Variants in CNTN6 observed in about 807,000 individuals in gnomAD.
CNTN6 encodes contactin 6.
CNTN6 carries 137 observed loss-of-function variants against 122.8 expected under a neutral mutation model. The observed-to-expected ratio is 1.12, with a 90% CI of 0.97 to 1.29. CNTN6 has a LOEUF of 1.29. CNTN6 is among the 50% of genes most tolerant of loss of function. The pLI is 0.00. For synonymous variants in CNTN6, 570 were observed against 426.0 expected (o/e 1.34, Z -4.16); for missense variants, 1,634 against 1,223.4 (o/e 1.34, Z -5.01).
At chr3:1,099,570 T>C (rs1221929587) in intron 1 of CNTN6, among the ~76,000 whole-genome samples, 2 of 152,234 alleles carry the variant, frequency 1.3e-5, no homozygotes, top group Non-Finnish European at 1.5e-5. Flanking sequence ...ATTGAAAATA[T>C]TCACTATTGC....
intron 4 of CNTN6, among the ~76,000 whole-genome samples, chr3:1,260,506 A>G (rs1017834735): frequency 2.0e-5 from 3 of 152,076 alleles, no homozygotes; most frequent in Non-Finnish European, 2.9e-5. Flanking sequence ...CAGTAACCAC[A>G]TCACCCTTCT....
chr3:1,268,759 C>T (rs1189143002), intron 4 of CNTN6, among the ~76,000 whole-genome samples: 2 of 151,936 alleles, frequency 1.3e-5, no homozygotes, highest in Non-Finnish European at 2.9e-5. Flanking sequence ...CTGACTCAGT[C>T]TTCAAGAAAA....
intron 2 of CNTN6, among the ~76,000 whole-genome samples, chr3:1,184,258 C>T (rs1202447942): frequency 6.6e-6 from 1 of 152,118 alleles, no homozygotes. Context: ...CTAGGATCTT[C>T]CCAGCACACT....
chr3:1,281,440 GAGAT>G (rs983281893), intron 5 of CNTN6, among the ~76,000 whole-genome samples: 5 of 150,668 alleles, frequency 3.3e-5, no homozygotes, highest in African/African-American at 1.2e-4. Flanking sequence ...AGACTCCACA[GAGAT>G]AGAAGGCCAT....
rs193030368 is a variant in CNTN6, at chr3:1,166,019, A to G, written c.55+17956A>G. Among the ~76,000 whole-genome samples, 112 of 152,254 alleles carry G rather than the reference A, an allele frequency of 7.4e-4. No individual in the cohort carries two copies. The Middle Eastern group carries it at 0.014, about 18-fold the overall frequency. ...AAGTCTCCCTCTCTTGAATTCCTAC[A>G]TCTCTGAGAAGATGCATGAGGAAAG... On this transcript the variant is annotated intron_variant, in intron 2 of 22. Transcript: ENST00000446702.
At chr3:1,113,991 T>C (rs2091600756) in intron 1 of CNTN6, among the ~76,000 whole-genome samples, 1 of 152,152 alleles carries the variant, frequency 6.6e-6, no homozygotes, top group South Asian at 2.1e-4. Context: ...AGTAGAGATT[T>C]TCGTGCACAG....
chr3:1,183,841 C>G (rs2093593027), intron 2 of CNTN6, among the ~76,000 whole-genome samples: 1 of 152,164 alleles, frequency 6.6e-6, no homozygotes, highest in Non-Finnish European at 1.5e-5. Context: ...CATCCGAAAG[C>G]TACAACCAAG....
intron 12 of CNTN6, among the ~76,000 whole-genome samples, chr3:1,362,917 A>G (rs183627404): frequency 8.2e-4 from 124 of 152,030 alleles, no homozygotes; most frequent in African/African-American, 2.9e-3. Context: ...AGTCAAAAAA[A>G]CAAGACTAGC....
At chr3:1,299,178 G>A (rs1457627043) in intron 7 of CNTN6, among the ~76,000 whole-genome samples, 1 of 152,084 alleles carries the variant, frequency 6.6e-6, no homozygotes. Flanking sequence ...ATTATTGATT[G>A]ATTAAATGAT....
chr3:1,145,741 G>A (rs76532708), intron 1 of CNTN6, among the ~76,000 whole-genome samples: 1,857 of 152,198 alleles, frequency 0.012, 48 homozygotes, highest in African/African-American at 0.041. Flanking sequence ...CATAATGCAC[G>A]TGCACAGGAA....
intron 5 of CNTN6, among the ~76,000 whole-genome samples, chr3:1,294,936 G>C (rs1356263498): frequency 6.6e-6 from 1 of 152,110 alleles, no homozygotes; most frequent in African/African-American, 2.4e-5. Context: ...ACCTAAAACT[G>C]TCACAGAATA....
intron 2 of CNTN6, among the ~76,000 whole-genome samples, chr3:1,148,456 T>C (rs947007240): frequency 7.0e-6 from 1 of 143,852 alleles, no homozygotes; most frequent in Non-Finnish European, 1.5e-5. Context: ...AAAATTAAAA[T>C]ACATATTTCT....
intron 7 of CNTN6, among the ~76,000 whole-genome samples, chr3:1,304,852 G>T (rs1290786841): frequency 6.6e-6 from 1 of 151,728 alleles, no homozygotes; most frequent in Non-Finnish European, 1.5e-5. Flanking sequence ...AAATTAGCCG[G>T]GTGCAGTGGC....
In CNTN6 at chr3:1,372,515, AAGTCT is replaced by A. The variant is rs760682740; in HGVS notation, c.1668+42_1668+46del. Reference sequence around the variant, plus strand: ...TGTTAAGTGCTTAATAAAATGAATCAAGTCTTTTACATGAATCACCATTTTTCATA... The same window carrying A: ...TGTTAAGTGCTTAATAAAATGAATCATTTACATGAATCACCATTTTTCATA... On this transcript the variant is annotated intron_variant, in intron 13 of 22. Coordinates refer to ENST00000446702, the MANE Select transcript of CNTN6 (RefSeq NM_001289080.2). 5 of 1,494,402 alleles carry A rather than the reference AAGTCT, an allele frequency of 3.3e-6. No individual in the cohort carries two copies. In the East Asian group the frequency reaches 1.2e-4, roughly 35 times the overall value. The allele number at this position is 1,494,402 out of a possible 1,614,324, so 92.6% of individuals were successfully genotyped here. A position where few individuals can be genotyped will look rare whatever the true frequency, so the allele number is the denominator to read the frequency against.
intron 20 of CNTN6, among the ~76,000 whole-genome samples, chr3:1,388,331 A>G (rs572600434): frequency 7.5e-5 from 11 of 146,210 alleles, no homozygotes; most frequent in South Asian, 6.7e-4. Context: ...GGGTATGCCA[A>G]CAGACCTGAA....
At chr3:1,326,460 G>T (rs1163737901) in intron 9 of CNTN6, among the ~76,000 whole-genome samples, 1 of 151,668 alleles carries the variant, frequency 6.6e-6, no homozygotes, top group Non-Finnish European at 1.5e-5. Flanking sequence ...TTTTATTTTG[G>T]TCTGATATCA....
chr3:1,102,836 T>G lies in CNTN6; in HGVS notation c.-83+9716T>G, dbSNP rs369935565. 7.1e-3 allele frequency among the ~76,000 whole-genome samples: 1,004 copies of G among 140,576 alleles called. 33 individuals carry two copies. The highest frequency in any genetic ancestry group is 0.02 in the African/African-American group (786 of 39,642). 92.2% of individuals were successfully genotyped at this position (140,576 alleles called of 152,430 possible). On this transcript the variant is annotated intron_variant, in intron 1 of 22. Transcript: ENST00000446702. ...CAAAATTAATGTCCAGGCCGGGAGC[T>G]GTGGCTCACGCCTGTAATCCCAGCA...
chr3:1,360,803 C>G (rs892160597), intron 12 of CNTN6, among the ~76,000 whole-genome samples: 2 of 152,024 alleles, frequency 1.3e-5, no homozygotes, highest in African/African-American at 4.8e-5. Flanking sequence ...TTACTATATC[C>G]TAACCTTGAA....
intron 6 of CNTN6, among the ~76,000 whole-genome samples, chr3:1,296,958 G>A (rs977862676): frequency 4.6e-5 from 7 of 151,904 alleles, no homozygotes; most frequent in African/African-American, 1.5e-4. Flanking sequence ...GAAAAATAGA[G>A]CAGAAGTATT....
Sources: gnomAD v4.1 joint callset for allele counts (sites outside exome capture counted in the v4.1 genomes callset) on GRCh38, gnomAD v4.1.1 for gene constraint, MANE v1.5 for transcripts, NCBI Gene and HGNC (gene_info 2026-07-23, HGNC 2026-07-21) for gene names.